Variants in SQLE observed in about 807,000 individuals in gnomAD.
SQLE encodes squalene epoxidase, also known as squalene monooxygenase.
In SQLE, 29 loss-of-function variants were observed where a neutral mutation model predicts 60.7. That is an observed-to-expected ratio of 0.48 (90% confidence interval 0.36 to 0.65). The LOEUF (loss-of-function observed/expected upper bound fraction) is 0.65, where lower values mean the gene tolerates loss of function less well. Among genes scored for constraint, SQLE ranks in the 30% least tolerant of loss-of-function variants. The probability of loss-of-function intolerance (pLI) is 0.00; values close to 1 mark genes in which losing one functional copy is unlikely to be tolerated. For missense variants in SQLE, 605 were observed against 684.1 expected (o/e 0.88, Z 1.29); for synonymous variants, 237 against 246.8 (o/e 0.96, Z 0.37).
intron 7 of SQLE, 161 bp from the exon 8 acceptor site, chr8:125,017,898 G>A (rs1174906427): frequency 3.7e-6 from 3 of 801,364 alleles, no homozygotes; most frequent in Non-Finnish European, 5.7e-6. Flanking sequence ...AACAACTCTT[G>A]AATTTTTGCC....
At chr8:125,000,081 C>T (rs947340532) in intron 1 of SQLE, 76 of 464,792 alleles carry the variant, frequency 1.6e-4, no homozygotes, top group Non-Finnish European at 2.9e-4. Context: ...GGTAAGTCCA[C>T]TGCTTGTAAG....
chr8:125,019,497 C>T (rs554345267), intron 9 of SQLE, among the ~76,000 whole-genome samples: 50 of 152,230 alleles, frequency 3.3e-4, no homozygotes, highest in East Asian at 9.7e-4. Flanking sequence ...TAGCTCACTA[C>T]AGTGAGCTAT....
At chr8:125,011,488 A>T (rs898618176) in intron 6 of SQLE, 49 bp from the exon 7 acceptor site, 1 of 1,428,544 alleles carries the variant, frequency 7.0e-7, no homozygotes, top group African/African-American at 1.4e-5. Flanking sequence ...GATACTTTGA[A>T]ATTGAAGTGT....
intron 6 of SQLE, 97 bp from the exon 7 acceptor site, chr8:125,011,440 A>G (rs1390382581): frequency 2.3e-6 from 2 of 863,152 alleles, no homozygotes; most frequent in East Asian, 2.7e-5. Context: ...TAACAGATGT[A>G]TAGTAGGCAT....
Position 125,008,977 on chromosome 8 carries a change from C to A in SQLE, c.829C>A (p.His277Asn). The A allele has an allele frequency of 6.4e-7, 1 of 1,565,042 alleles. No individual in the cohort carries two copies. Among genetic ancestry groups the A allele is most frequent in the Non-Finnish European group, 8.6e-7 (1 of 1,161,280 alleles). ...DKETGDIKEL[H>N]APLTVVADGL... ...GTCTTCATTTCTGTTATAGGAACTCCATGCTCCACTGACTGTTGTTGCAGA... is the reference window on the plus strand; with the variant it reads ...GTCTTCATTTCTGTTATAGGAACTCAATGCTCCACTGACTGTTGTTGCAGA... Residue 277 changes from histidine (H) to asparagine (N), a missense_variant, in exon 5 of 11, where the codon CAT (histidine) becomes AAT (asparagine). His to Asn is a moderately conservative substitution (Grantham distance 68, BLOSUM62 1). Transcript: ENST00000265896.
At chr8:125,005,496 T>G in intron 2 of SQLE, 29 bp from the exon 3 acceptor site, 2 of 1,525,098 alleles carry the variant, frequency 1.3e-6, no homozygotes, top group Non-Finnish European at 1.8e-6. Context: ...TTAACAGAAT[T>G]GATTGTTTTG....
At position 124,999,651 on chromosome 8, in the gene SQLE, C is replaced by G. The variant is rs1444058034; in HGVS notation, c.248C>G (p.Ser83Cys). 4 of 1,602,520 alleles carry G rather than the reference C, an allele frequency of 2.5e-6. No individual in the cohort carries two copies. Among genetic ancestry groups the G allele is most frequent in the Non-Finnish European group, 3.4e-6 (4 of 1,174,208 alleles). Residue 83 changes from serine to cysteine, a missense_variant, in exon 1 of 11, where the codon TCC (serine) becomes TGC (cysteine). Physicochemically the swap from Ser to Cys is moderately radical, Grantham distance 112. Coordinates refer to ENST00000265896, the MANE Select transcript of SQLE (RefSeq NM_003129.4). ...LPFIGFFWAKSPPESENKEQL... is the reference protein window; with the variant it reads ...LPFIGFFWAKCPPESENKEQL... ...TTCATTGGCTTCTTCTGGGCCAAATCCCCCCCTGAATCAGAAAATAAGGAG... is the reference window on the plus strand; with the variant it reads ...TTCATTGGCTTCTTCTGGGCCAAATGCCCCCCTGAATCAGAAAATAAGGAG...
In SQLE at chr8:124,999,162, A is replaced by G. The variant is rs1214280204; in HGVS notation, c.-242A>G. ...AGCGAGTCTGCTCGGGAGCTGTTCC[A>G]GCAGGCGATTTTTAAATACTGCTTT... On this transcript the variant is annotated 5_prime_UTR_variant, in exon 1 of 11. Transcript: ENST00000265896. 3 of 390,520 alleles carry G rather than the reference A, an allele frequency of 7.7e-6. No homozygotes were observed. The Admixed American group carries it at 1.3e-4, about 18-fold the overall frequency. 24.2% of individuals were successfully genotyped at this position (390,520 alleles called of 1,614,324 possible). A position where few individuals can be genotyped will look rare whatever the true frequency, so the allele number is the denominator to read the frequency against.
intron 4 of SQLE, 68 bp downstream of exon 4, chr8:125,007,555 T>A: frequency 9.4e-7 from 1 of 1,065,722 alleles, no homozygotes; most frequent in Non-Finnish European, 1.4e-6. Flanking sequence ...CTTACCCCTT[T>A]AAAAAAGTAG....
chr8:125,009,454 A>G, intron 6 of SQLE, 111 bp downstream of exon 6: 1 of 1,116,604 alleles, frequency 9.0e-7, no homozygotes, highest in East Asian at 2.7e-5. Context: ...GAACTGAACT[A>G]TTTAAACTAG....
rs2293985 is a variant in SQLE, at chr8:125,021,810, C to T, written c.1590C>T (p.Ala530=). 0.04 allele frequency: 64,294 copies of T among 1,609,156 alleles called. 2,931 individuals carry two copies. The highest frequency in any genetic ancestry group is 0.17 in the African/African-American group (12,967 of 74,872). Residue 530 remains alanine (A), a synonymous_variant, in exon 11 of 11, where the codon GCC becomes GCT. Transcript: ENST00000265896. ...IGHFFAVAIY[A]VYFCFKSEPW... The stretch of plus-strand genomic sequence containing the variant: ...ACTTCTTTGCTGTTGCAATCTATGC[C>T]GTGTATTTTTGCTTTAAGTCAGAAC...
At position 125,009,319 on chromosome 8, in the gene SQLE, GA is replaced by G; in HGVS notation, c.1090del (p.Ile364PhefsTer9). 1 of 1,611,536 alleles carries G rather than the reference GA, an allele frequency of 6.2e-7. No homozygotes were observed. The highest frequency in any genetic ancestry group is 1.1e-5 in the South Asian group (1 of 90,424). On this transcript the variant is annotated frameshift_variant, in exon 6 of 11. Transcript: ENST00000265896. LOFTEE classifies it high-confidence loss of function. ...AAGGAATTTAAGAGAATACATGGTT[GA>G]AAAAATTTACCCACAAATACCTGGT... ...MPRNLREYMV[E>X]KIYPQIPDHL...
intron 6 of SQLE, among the ~76,000 whole-genome samples, chr8:125,010,783 T>G (rs1485977007): frequency 3.9e-5 from 6 of 152,180 alleles, no homozygotes; most frequent in South Asian, 2.1e-4. Context: ...TTCTTTTTTT[T>G]TTCTTTTTTC....
chr8:125,013,614 A>G (rs939843850), intron 7 of SQLE, among the ~76,000 whole-genome samples: 7 of 152,092 alleles, frequency 4.6e-5, no homozygotes, highest in African/African-American at 7.2e-5. Flanking sequence ...CAGCCTCCCA[A>G]AGTCCTGGGA....
intron 7 of SQLE, among the ~76,000 whole-genome samples, chr8:125,014,321 C>CT (rs1218392346): frequency 5.9e-5 from 9 of 152,014 alleles, no homozygotes; most frequent in African/African-American, 1.7e-4. Flanking sequence ...GGTTTTCTTT[C>CT]TTTTTTCTTA....
chr8:125,009,223 A>G lies in SQLE; in HGVS notation c.988A>G (p.Ser330Gly). Reference sequence around the variant, plus strand: ...TGCTGAACTTATTTTAGCTAACCCGAGTCCAGTTCTCATCTACCAGATTTC... The same window carrying G: ...TGCTGAACTTATTTTAGCTAACCCGGGTCCAGTTCTCATCTACCAGATTTC... ...NHAELILANP[S>G]PVLIYQISSS... Residue 330 changes from serine (S) to glycine (G), a missense_variant, in exon 6 of 11, where the codon AGT becomes GGT. Coordinates refer to ENST00000265896, the MANE Select transcript of SQLE (RefSeq NM_003129.4). The G allele has an allele frequency of 6.2e-7, 1 of 1,613,776 alleles. No homozygotes were observed. The highest frequency in any genetic ancestry group is 2.2e-5 in the East Asian group (1 of 44,872).
Position 124,999,594 on chromosome 8 carries a change from C to T in SQLE, c.191C>T (p.Ala64Val). The T allele has an allele frequency of 1.2e-6, 2 of 1,613,576 alleles. No individual in the cohort carries two copies. The highest frequency in any genetic ancestry group is 1.7e-6 in the Non-Finnish European group (2 of 1,179,726). Residue 64 changes from alanine (A) to valine (V), a missense_variant, in exon 1 of 11, where the codon GCC (alanine) becomes GTC (valine). Ala to Val is a moderately conservative substitution (Grantham distance 64). Coordinates refer to ENST00000265896, the MANE Select transcript of SQLE (RefSeq NM_003129.4). ...LGRQQSGSQFALFSDILSGLP... is the reference protein window; with the variant it reads ...LGRQQSGSQFVLFSDILSGLP... ...CGCCAGCAGAGCGGCTCCCAGTTCG[C>T]CCTCTTCTCGGATATTCTCTCAGGC...
chr8:125,006,598 G>A (rs1046030910), intron 3 of SQLE, among the ~76,000 whole-genome samples: 1 of 147,578 alleles, frequency 6.8e-6, no homozygotes, highest in South Asian at 2.2e-4. Flanking sequence ...TCCAGCCTGG[G>A]CGACAGAGCG....
At chr8:125,011,412 G>A (rs1815037924) in intron 6 of SQLE, 125 bp from the exon 7 acceptor site, 1 of 654,336 alleles carries the variant, frequency 1.5e-6, no homozygotes, top group Non-Finnish European at 2.5e-6. Context: ...TTATCACAAG[G>A]GATATATGTA....
Sources: allele counts gnomAD v4.1 joint callset (sites outside exome capture counted in the v4.1 genomes callset), GRCh38; gene constraint gnomAD v4.1.1; transcripts MANE v1.5; gene names NCBI Gene and HGNC (gene_info 2026-07-23, HGNC 2026-07-21).